The following TMEM120B variants were observed in gnomAD, a reference collection of about 807,000 sequenced individuals.
TMEM120B encodes the protein transmembrane protein 120B.
In TMEM120B, 31 loss-of-function variants were observed where a neutral mutation model predicts 55.5. The ratio of observed to expected loss-of-function variants is 0.56; its 90% confidence interval spans 0.42 to 0.75. The LOEUF (loss-of-function observed/expected upper bound fraction) is 0.75, where lower values mean the gene tolerates loss of function less well. Among genes scored for constraint, TMEM120B ranks in the 30% least tolerant of loss-of-function variants. The pLI, the probability that TMEM120B is intolerant of heterozygous loss-of-function variation, is 0.00. For missense variants in TMEM120B, 399 were observed against 425.5 expected, an observed-to-expected ratio of 0.94 and a Z score of 0.55; for synonymous variants, 203 against 176.3, an observed-to-expected ratio of 1.15 and a Z score of -1.20.
chr12:121,761,332 C>A (rs184017614), intron 5 of TMEM120B, among the ~76,000 whole-genome samples: 1 of 152,144 alleles, frequency 6.6e-6, no homozygotes, highest in Admixed American at 6.6e-5. Context: ...AATTTCACAT[C>A]ACATGGGAAG....
At chr12:121,721,815 T>TTTTC (rs1555329892) in intron 1 of TMEM120B, among the ~76,000 whole-genome samples, 1 of 97,378 alleles carries the variant, frequency 1.0e-5, no homozygotes, top group African/African-American at 4.6e-5. Context: ...TTTTTTTTTT[T>TTTTC]TTTTTTTTTT....
In TMEM120B at chr12:121,777,970, T is replaced by G. The variant is rs898927734; in HGVS notation, c.*2248T>G. On this transcript the variant is annotated 3_prime_UTR_variant, in exon 12 of 12. Transcript: ENST00000449592. ...AGGCTCCTTCCTTTGGCAACCTGAC[T>G]TCTTGGAAGCTCAGGTTTAGCTGAC... The G allele has an allele frequency of 2.6e-5, 4 of 152,126 alleles. No homozygotes were observed. Among genetic ancestry groups the G allele is most frequent in the Non-Finnish European group, 5.9e-5 (4 of 68,054 alleles). The allele number at this position is 152,126 out of a possible 1,614,324, so 9.4% of individuals were successfully genotyped here.
In TMEM120B at chr12:121,781,010, T is replaced by C. The variant is rs1195706886; in HGVS notation, c.*5288T>C. On this transcript the variant is annotated 3_prime_UTR_variant, in exon 12 of 12. Coordinates refer to ENST00000449592, the MANE Select transcript of TMEM120B (RefSeq NM_001080825.2). Reference sequence around the variant, plus strand: ...AATGCGTGACCTCAGGGAACCACTGTGGAGGGAGGAGGCGGGATCAGGGGT... The same window carrying C: ...AATGCGTGACCTCAGGGAACCACTGCGGAGGGAGGAGGCGGGATCAGGGGT... 2 of 1,613,126 alleles carry C rather than the reference T, an allele frequency of 1.2e-6. No individual in the cohort carries two copies. The highest frequency in any genetic ancestry group is 1.7e-6 in the Non-Finnish European group (2 of 1,179,440).
chr12:121,713,729 A>AGAGAGG (rs1320362907), intron 1 of TMEM120B, among the ~76,000 whole-genome samples: 1 of 152,134 alleles, frequency 6.6e-6, no homozygotes, highest in African/African-American at 2.4e-5. Context: ...TAAGAGGTTC[A>AGAGAGG]GAGAGGCCCC....
At chr12:121,772,262 G>A (rs1874090352) in intron 8 of TMEM120B, among the ~76,000 whole-genome samples, 2 of 151,446 alleles carry the variant, frequency 1.3e-5, no homozygotes, top group Admixed American at 6.6e-5. Flanking sequence ...CCGGGTGGCT[G>A]GGACTACAGG....
intron 6 of TMEM120B, among the ~76,000 whole-genome samples, chr12:121,764,249 C>T (rs374730666): frequency 4.0e-5 from 6 of 150,760 alleles, no homozygotes; most frequent in East Asian, 2.0e-4. Flanking sequence ...GGGCCAGGTG[C>T]GGTGGCTCAT....
In TMEM120B at chr12:121,779,338, C is replaced by T; in HGVS notation, c.*3616C>T. On this transcript the variant is annotated 3_prime_UTR_variant, in exon 12 of 12. Coordinates refer to ENST00000449592, the MANE Select transcript of TMEM120B (RefSeq NM_001080825.2). ...TGGAGGGGAGTTTGTGGTCAGAGCC[C>T]CAGCCAGGAAAGGAGAGAGTTCCAG... 1 of 778,128 alleles carries T rather than the reference C, an allele frequency of 1.3e-6. No homozygotes were observed. Among genetic ancestry groups the T allele is most frequent in the Non-Finnish European group, 2.0e-6 (1 of 499,356 alleles). 48.2% of individuals were successfully genotyped at this position (778,128 alleles called of 1,614,324 possible).
In TMEM120B at chr12:121,782,042, AC is replaced by A. The variant is rs2137494320; in HGVS notation, c.*6321del. 6.6e-6 allele frequency: 1 copy of A among 152,310 alleles called. No individual in the cohort carries two copies. Among genetic ancestry groups the A allele is most frequent in the South Asian group, 2.1e-4 (1 of 4,828 alleles). The allele number at this position is 152,310 out of a possible 1,614,324, so 9.4% of individuals were successfully genotyped here. On this transcript the variant is annotated 3_prime_UTR_variant, in exon 12 of 12. Coordinates refer to ENST00000449592, the MANE Select transcript of TMEM120B (RefSeq NM_001080825.2). ...TTTTTGTATTGACAGTTTCAAACTTACAGTAAAATTGCAACACGAGTATGAA... is the reference window on the plus strand; with the variant it reads ...TTTTTGTATTGACAGTTTCAAACTTAAGTAAAATTGCAACACGAGTATGAA...
chr12:121,763,930 G>A (rs995254339), intron 6 of TMEM120B, among the ~76,000 whole-genome samples: 1 of 152,146 alleles, frequency 6.6e-6, no homozygotes, highest in Non-Finnish European at 1.5e-5. Context: ...TGAACGTAGA[G>A]CCTGGAGGTA....
intron 8 of TMEM120B, among the ~76,000 whole-genome samples, chr12:121,771,889 TG>T (rs1259587740): frequency 6.6e-6 from 1 of 152,180 alleles, no homozygotes; most frequent in Admixed American, 6.5e-5. Context: ...AAAATTGCTC[TG>T]GATTTGTATA....
rs372966523 is a variant in TMEM120B at position 121,779,635 on chromosome 12, C to T, written c.*3913C>T. 11 of 1,613,998 alleles carry T rather than the reference C, an allele frequency of 6.8e-6. No homozygotes were observed. Among genetic ancestry groups the T allele is most frequent in the East Asian group, 2.2e-5 (1 of 44,896 alleles). On this transcript the variant is annotated 3_prime_UTR_variant, in exon 12 of 12. Transcript: ENST00000449592. ...GCGGAACATTCCAGGTAGAGAGCAG[C>T]TCGGATCTGTTCGCAGGCGCTCAGG...
In TMEM120B at chr12:121,715,646, T is replaced by C. The variant is rs1317481523; in HGVS notation, c.69+2682T>C. Among the ~76,000 whole-genome samples the C allele has an allele frequency of 3.3e-5, 5 of 152,078 alleles. No individual in the cohort carries two copies. In the East Asian group the frequency reaches 9.6e-4, roughly 29 times the overall value. On this transcript the variant is annotated intron_variant, in intron 1 of 11. Coordinates refer to ENST00000449592, the MANE Select transcript of TMEM120B (RefSeq NM_001080825.2). ...ATCCTACTTTGGGGAAGAGGGAGCC[T>C]GCTTGCTGCAGGCTTTGGTGGTCAC...
At chr12:121,727,580 A>T (rs1348572849) in intron 1 of TMEM120B, among the ~76,000 whole-genome samples, 1 of 148,888 alleles carries the variant, frequency 6.7e-6, no homozygotes, top group Non-Finnish European at 1.5e-5. Context: ...TGGTTAAGAG[A>T]TTCGTAACAT....
chr12:121,767,175 G>A (rs1386895785), intron 6 of TMEM120B, among the ~76,000 whole-genome samples: 1 of 152,114 alleles, frequency 6.6e-6, no homozygotes, highest in African/African-American at 2.4e-5. Context: ...GTTTTGTTTT[G>A]TTTGAGATGG....
At chr12:121,727,878 A>G (rs1894926530) in intron 1 of TMEM120B, among the ~76,000 whole-genome samples, 1 of 151,382 alleles carries the variant, frequency 6.6e-6, no homozygotes, top group Admixed American at 6.6e-5. Context: ...CATCTCAAAA[A>G]AAAAAAAAAA....
At chr12:121,770,192 CG>C (rs1873992395) in intron 6 of TMEM120B, among the ~76,000 whole-genome samples, 2 of 152,226 alleles carry the variant, frequency 1.3e-5, no homozygotes, top group South Asian at 4.1e-4. Flanking sequence ...GAGGTACTGG[CG>C]GGGCTGGTTT....
At chr12:121,772,041 CTT>C (rs1472513005) in intron 8 of TMEM120B, among the ~76,000 whole-genome samples, 19 of 115,240 alleles carry the variant, frequency 1.6e-4, no homozygotes, top group Admixed American at 1.4e-3. Context: ...CTTTCTTTCT[CTT>C]TCTTTCTTTC....
chr12:121,723,641 C>T (rs1275865775), intron 1 of TMEM120B, among the ~76,000 whole-genome samples: 1 of 152,148 alleles, frequency 6.6e-6, no homozygotes, highest in Non-Finnish European at 1.5e-5. Flanking sequence ...GAGGGCAGTT[C>T]CTAGGGATCA....
At chr12:121,718,894 G>C (rs1229047388) in intron 1 of TMEM120B, among the ~76,000 whole-genome samples, 2 of 151,914 alleles carry the variant, frequency 1.3e-5, no homozygotes, top group African/African-American at 4.8e-5. Flanking sequence ...GTGTGTGGAT[G>C]TCTCTCTCTC....
Sources: gnomAD v4.1 joint callset for allele counts (sites outside exome capture counted in the v4.1 genomes callset) on GRCh38, gnomAD v4.1.1 for gene constraint, MANE v1.5 for transcripts, NCBI Gene and HGNC (gene_info 2026-07-23, HGNC 2026-07-21) for gene names.